The following NRG1 variants were observed in gnomAD, a reference collection of about 807,000 sequenced individuals.
NRG1 encodes the protein neuregulin 1.
A neutral mutation model predicts 63.8 loss-of-function variants in NRG1; 18 were observed. That is an observed-to-expected ratio of 0.28 (90% confidence interval 0.19 to 0.42). The LOEUF (loss-of-function observed/expected upper bound fraction) is 0.42, where lower values mean the gene tolerates loss of function less well. Ranked by LOEUF, NRG1 falls within the 10% of genes least tolerant of loss-of-function variation. The pLI is 1.00. For synonymous variants in NRG1, 302 were observed against 301.3 expected (o/e 1.00, Z -0.02); for missense variants, 762 against 814.7 (o/e 0.94, Z 0.79).
chr8:32,432,576 C>G (rs536890293), intron 1 of NRG1, among the ~76,000 whole-genome samples: 89 of 151,982 alleles, frequency 5.9e-4, no homozygotes, highest in Non-Finnish European at 8.4e-4. Context: ...TTCAGTGGCT[C>G]TCAGCTCACT....
intron 1 of NRG1, among the ~76,000 whole-genome samples, chr8:32,554,548 C>A (rs1003440897): frequency 6.6e-6 from 1 of 152,148 alleles, no homozygotes; most frequent in African/African-American, 2.4e-5. Context: ...TCTCATCTTT[C>A]TTCTAAATTT....
At chr8:32,403,661 G>A (rs1381133955) in intron 1 of NRG1, among the ~76,000 whole-genome samples, 1 of 152,182 alleles carries the variant, frequency 6.6e-6, no homozygotes, top group African/African-American at 2.4e-5. Flanking sequence ...GATATAGATA[G>A]TACCCACCCA....
chr8:32,731,406 C>G (rs942816561), intron 6 of NRG1, among the ~76,000 whole-genome samples: 1 of 140,580 alleles, frequency 7.1e-6, no homozygotes, highest in Non-Finnish European at 1.5e-5. Context: ...AGAAATTACA[C>G]CTTTTTTTTT....
intron 1 of NRG1, among the ~76,000 whole-genome samples, chr8:32,123,728 A>G (rs1282744898): frequency 6.6e-6 from 1 of 151,196 alleles, no homozygotes; most frequent in Non-Finnish European, 1.5e-5. Context: ...TTATTAAGTC[A>G]GTGTTTCTTT....
At chr8:32,490,247 G>A (rs1344931287) in intron 1 of NRG1, among the ~76,000 whole-genome samples, 1 of 151,944 alleles carries the variant, frequency 6.6e-6, no homozygotes, top group African/African-American at 2.4e-5. Flanking sequence ...CAAGGCTGCA[G>A]TGAACTGATA....
At chr8:32,463,874 CTTTTTTTTTTTTTTTTTTTTTTTTT>C (rs756489856) in intron 1 of NRG1, among the ~76,000 whole-genome samples, 2 of 42,338 alleles carry the variant, frequency 4.7e-5, no homozygotes, top group Non-Finnish European at 4.2e-5. Flanking sequence ...ACTTAGAATT[CTTTTTTTTTTTTTTTTTTTTTTTTT>C]TTTTTTTTTT....
chr8:32,461,053 C>G (rs560000826), intron 1 of NRG1, among the ~76,000 whole-genome samples: 1 of 152,216 alleles, frequency 6.6e-6, no homozygotes, highest in African/African-American at 2.4e-5. Flanking sequence ...GTCATTTACC[C>G]TAAAATGTTC....
chr8:32,761,439 TG>T (rs1264649093), intron 11 of NRG1, among the ~76,000 whole-genome samples: 2 of 152,156 alleles, frequency 1.3e-5, no homozygotes, highest in Non-Finnish European at 2.9e-5. Context: ...TAACACATTC[TG>T]GGCTTGAAGG....
chr8:31,706,575 C>T (rs538654043), intron 1 of NRG1, among the ~76,000 whole-genome samples: 15 of 152,146 alleles, frequency 9.9e-5, no homozygotes, highest in African/African-American at 3.1e-4. Flanking sequence ...ATTGGAATTG[C>T]TAGGTTAGAG....
intron 1 of NRG1, among the ~76,000 whole-genome samples, chr8:32,292,929 C>T (rs1200134858): frequency 6.6e-6 from 1 of 152,010 alleles, no homozygotes; most frequent in Non-Finnish European, 1.5e-5. Flanking sequence ...TATGGTGAAA[C>T]CCCGTCTCTA....
chr8:31,728,093 T>C (rs1459142099), intron 1 of NRG1, among the ~76,000 whole-genome samples: 1 of 152,170 alleles, frequency 6.6e-6, no homozygotes, highest in Admixed American at 6.6e-5. Flanking sequence ...ACTTCTGAAA[T>C]TTTCCACATA....
At chr8:32,375,626 A>C (rs1287021682) in intron 1 of NRG1, among the ~76,000 whole-genome samples, 1 of 152,160 alleles carries the variant, frequency 6.6e-6, no homozygotes, top group Non-Finnish European at 1.5e-5. Context: ...AGGTCAGGTG[A>C]CCCAATCAAC....
chr8:31,792,931 C>T (rs1389419461), intron 1 of NRG1, among the ~76,000 whole-genome samples: 1 of 152,204 alleles, frequency 6.6e-6, no homozygotes, highest in Admixed American at 6.5e-5. Flanking sequence ...TTTAAAAAGC[C>T]CTACTCATGT....
intron 1 of NRG1, among the ~76,000 whole-genome samples, chr8:31,694,732 G>A (rs1259132678): frequency 6.6e-6 from 1 of 152,100 alleles, no homozygotes; most frequent in Non-Finnish European, 1.5e-5. Flanking sequence ...CCAGGCTAGG[G>A]GGCTACAATT....
At chr8:31,800,199 C>G (rs1433062643) in intron 1 of NRG1, among the ~76,000 whole-genome samples, 2 of 152,136 alleles carry the variant, frequency 1.3e-5, no homozygotes, top group African/African-American at 4.8e-5. Context: ...ACAAAAAAAG[C>G]AATGAGGAGT....
chr8:32,721,572 C>T (rs1287347995), intron 5 of NRG1, among the ~76,000 whole-genome samples: 1 of 152,176 alleles, frequency 6.6e-6, no homozygotes, highest in Non-Finnish European at 1.5e-5. Context: ...AGAGATGATA[C>T]ATTACTTCCA....
chr8:32,488,869 C>T (rs2129494382), intron 1 of NRG1, among the ~76,000 whole-genome samples: 1 of 152,234 alleles, frequency 6.6e-6, no homozygotes, highest in South Asian at 2.1e-4. Flanking sequence ...GGGATTGTTA[C>T]CAGTGGTGAA....
chr8:32,368,054 T>C (rs1386873023), intron 1 of NRG1, among the ~76,000 whole-genome samples: 2 of 152,236 alleles, frequency 1.3e-5, no homozygotes, highest in Admixed American at 1.3e-4. Context: ...ACCAATACCA[T>C]GCTGTTTTAG....
intron 1 of NRG1, among the ~76,000 whole-genome samples, chr8:32,516,573 T>A (rs1298564359): frequency 6.6e-6 from 1 of 152,360 alleles, no homozygotes; most frequent in Non-Finnish European, 1.5e-5. Flanking sequence ...GGAATGTTTT[T>A]CCATTTGCTT....
Sources: allele counts gnomAD v4.1 joint callset (sites outside exome capture counted in the v4.1 genomes callset), GRCh38; gene constraint gnomAD v4.1.1; transcripts MANE v1.5; gene names NCBI Gene and HGNC (gene_info 2026-07-23, HGNC 2026-07-21).